The following KIF13A variants were observed in gnomAD, a reference collection of about 807,000 sequenced individuals.
The protein encoded by KIF13A is kinesin-like protein KIF13A.
A neutral mutation model predicts 212.2 loss-of-function variants in KIF13A; 79 were observed. The ratio of observed to expected loss-of-function variants is 0.37; its 90% CI spans 0.31 to 0.45. The LOEUF (loss-of-function observed/expected upper bound fraction) is 0.45. KIF13A is among the 20% of genes least tolerant of loss of function. The pLI, the probability that KIF13A is intolerant of heterozygous loss-of-function variation, is 1.00. For missense variants in KIF13A, 1,901 were observed against 2,209.0 expected, an observed-to-expected ratio of 0.86 and a Z score of 2.79; for synonymous variants, 789 against 808.6, an observed-to-expected ratio of 0.98 and a Z score of 0.41.
At chr6:17,959,506 G>A (rs1467999643) in intron 2 of KIF13A, among the ~76,000 whole-genome samples, 4 of 152,120 alleles carry the variant, frequency 2.6e-5, no homozygotes, top group African/African-American at 9.7e-5. Context: ...AAGCAGCAGA[G>A]GAAAGAATGT....
At chr6:17,911,425 T>C (rs1295579716) in intron 2 of KIF13A, among the ~76,000 whole-genome samples, 3 of 152,256 alleles carry the variant, frequency 2.0e-5, no homozygotes, top group Admixed American at 1.3e-4. Context: ...CAGGTTCCTC[T>C]CCACTATGAC....
intron 38 of KIF13A, among the ~76,000 whole-genome samples, chr6:17,766,219 G>GATTTATTTATTT (rs57491415): frequency 0.25 from 35,922 of 144,486 alleles, 4,799 homozygotes; most frequent in African/African-American, 0.33. Context: ...TTATTTTTAA[G>GATTTATTTATTT]ATTTATTTAT....
intron 4 of KIF13A, among the ~76,000 whole-genome samples, chr6:17,866,171 CCT>C (rs1385873380): frequency 6.6e-6 from 1 of 152,148 alleles, no homozygotes; most frequent in Non-Finnish European, 1.5e-5. Flanking sequence ...TTTTACACCC[CCT>C]CTCTCTGACA....
At chr6:17,845,625 A>G (rs1182144026) in intron 9 of KIF13A, among the ~76,000 whole-genome samples, 3 of 152,242 alleles carry the variant, frequency 2.0e-5, no homozygotes, top group African/African-American at 7.2e-5. Flanking sequence ...TCTATGATCC[A>G]AATGTGTTCT....
intron 25 of KIF13A, among the ~76,000 whole-genome samples, chr6:17,792,981 A>T (rs1336230771): frequency 6.6e-6 from 1 of 152,208 alleles, no homozygotes; most frequent in Non-Finnish European, 1.5e-5. Context: ...AGGGAGGCAG[A>T]TTTAACAGTG....
chr6:17,986,501 CATT>C (rs1168173527), intron 2 of KIF13A, among the ~76,000 whole-genome samples: 1 of 151,780 alleles, frequency 6.6e-6, no homozygotes, highest in Non-Finnish European at 1.5e-5. Context: ...TACATTGAGG[CATT>C]ATCTCAACTC....
intron 2 of KIF13A, among the ~76,000 whole-genome samples, chr6:17,952,544 G>A (rs1161701891): frequency 3.3e-5 from 5 of 152,122 alleles, no homozygotes; most frequent in East Asian, 1.9e-4. Flanking sequence ...GGCTGAGGTC[G>A]GAGGATCCCT....
chr6:17,930,723 T>TG (rs1402693817), intron 2 of KIF13A, among the ~76,000 whole-genome samples: 1 of 152,190 alleles, frequency 6.6e-6, no homozygotes, highest in Non-Finnish European at 1.5e-5. Flanking sequence ...AAAGGGACAG[T>TG]GGTGATCTCA....
intron 2 of KIF13A, among the ~76,000 whole-genome samples, chr6:17,939,611 G>A (rs1776771972): frequency 6.6e-6 from 1 of 152,102 alleles, no homozygotes; most frequent in Non-Finnish European, 1.5e-5. Flanking sequence ...GTCTGCACAA[G>A]GTACAGATCA....
At chr6:17,973,259 A>G (rs562029659) in intron 2 of KIF13A, among the ~76,000 whole-genome samples, 4 of 152,236 alleles carry the variant, frequency 2.6e-5, no homozygotes, top group Non-Finnish European at 5.9e-5. Context: ...AAAGAACACA[A>G]CTATATAAGA....
intron 2 of KIF13A, among the ~76,000 whole-genome samples, chr6:17,927,086 G>A (rs988670295): frequency 6.6e-6 from 1 of 151,602 alleles, no homozygotes; most frequent in Non-Finnish European, 1.5e-5. Context: ...GTTGCAGTGA[G>A]CTGAGATCAC....
At chr6:17,974,980 G>A (rs1199796715) in intron 2 of KIF13A, among the ~76,000 whole-genome samples, 2 of 152,276 alleles carry the variant, frequency 1.3e-5, no homozygotes, top group Non-Finnish European at 2.9e-5. Context: ...GGACAGTGCT[G>A]GTCTAGACTA....
rs1277316398 is a variant in KIF13A, at chr6:17,900,300, T to C, written c.147-2120A>G. Among the ~76,000 whole-genome samples the C allele has an allele frequency of 6.6e-6, 1 of 152,172 alleles. No individual in the cohort carries two copies. Among genetic ancestry groups the C allele is most frequent in the African/African-American group, 2.4e-5 (1 of 41,448 alleles). The stretch of plus-strand genomic sequence containing the variant: ...TGAACCAGTGCTGGTTTGTAGTCAG[T>C]AGTACGTTCACCTTCTTAGCTGTCA... On this transcript the variant is annotated intron_variant, in intron 2 of 38. Coordinates refer to ENST00000259711, the MANE Select transcript of KIF13A (RefSeq NM_022113.6). The surrounding 1 kb of genome is among the most constrained non-coding windows in gnomAD (Gnocchi z 4.6).
chr6:17,921,742 G>A (rs1775089248), intron 2 of KIF13A, among the ~76,000 whole-genome samples: 2 of 152,140 alleles, frequency 1.3e-5, no homozygotes, highest in South Asian at 4.1e-4. Context: ...AACTCTTGGT[G>A]TCGTCCTGTG....
chr6:17,867,052 C>A (rs1769474832), intron 4 of KIF13A, among the ~76,000 whole-genome samples: 1 of 151,880 alleles, frequency 6.6e-6, no homozygotes, highest in African/African-American at 2.4e-5. Context: ...GCTAAATCAC[C>A]CCAGCTGGGA....
At chr6:17,775,260 G>GTATA (rs1347300002) in intron 34 of KIF13A, among the ~76,000 whole-genome samples, 198 bp from the exon 35 acceptor site, 3 of 152,032 alleles carry the variant, frequency 2.0e-5, no homozygotes, top group African/African-American at 7.2e-5. Flanking sequence ...AATTGTATGT[G>GTATA]TATATACTCA....
At chr6:17,801,874 A>C (rs1762498656) in intron 20 of KIF13A, among the ~76,000 whole-genome samples, 1 of 152,212 alleles carries the variant, frequency 6.6e-6, no homozygotes, top group African/African-American at 2.4e-5. Flanking sequence ...TTTTTCATTA[A>C]AAGGTTTTAA....
intron 2 of KIF13A, among the ~76,000 whole-genome samples, chr6:17,928,448 A>G (rs1393566211): frequency 6.6e-6 from 1 of 152,190 alleles, no homozygotes; most frequent in Non-Finnish European, 1.5e-5. Flanking sequence ...TGGGAATACC[A>G]GGTGCTAGCC....
chr6:17,761,291 G>A (rs1758572620), downstream of KIF13A, among the ~76,000 whole-genome samples: 1 of 152,064 alleles, frequency 6.6e-6, no homozygotes, highest in African/African-American at 2.4e-5. Flanking sequence ...TGTTGCCCAC[G>A]ATGGTGTCAA....
Sources: gnomAD v4.1 joint callset for allele counts (sites outside exome capture counted in the v4.1 genomes callset) on GRCh38, gnomAD v4.1.1 for gene constraint, Gnocchi (gnomAD v3.1) non-coding constraint, MANE v1.5 for transcripts, NCBI Gene and HGNC (gene_info 2026-07-23, HGNC 2026-07-21) for gene names.